CNTNAP4: variants seen among roughly 807,000 people sequenced by gnomAD.
The protein encoded by CNTNAP4 is contactin associated protein family member 4.
In CNTNAP4, 98 loss-of-function variants were observed where a neutral mutation model predicts 148.4. That is an observed-to-expected ratio of 0.66 (90% confidence interval 0.56 to 0.78). The LOEUF (loss-of-function observed/expected upper bound fraction) is 0.78. Among genes scored for constraint, CNTNAP4 ranks in the 30% least tolerant of loss-of-function variants. The probability of loss-of-function intolerance (pLI) is 0.00; values close to 1 mark genes in which losing one functional copy is unlikely to be tolerated. For synonymous variants in CNTNAP4, 730 were observed against 565.1 expected (o/e 1.29, Z -4.14); for missense variants, 1,935 against 1,565.6 (o/e 1.24, Z -3.98).
At chr16:76,550,008 A>T (rs1161280022) in intron 21 of CNTNAP4, among the ~76,000 whole-genome samples, 2 of 152,324 alleles carry the variant, frequency 1.3e-5, no homozygotes, top group Admixed American at 6.5e-5. Flanking sequence ...ACTTAGGGAC[A>T]ATCTGATGAA....
chr16:76,327,471 T>C (rs1963106647), intron 2 of CNTNAP4, among the ~76,000 whole-genome samples: 1 of 152,188 alleles, frequency 6.6e-6, no homozygotes, highest in South Asian at 2.1e-4. Flanking sequence ...GTACCTGGGT[T>C]GATACCATGT....
intron 2 of CNTNAP4, among the ~76,000 whole-genome samples, chr16:76,349,257 G>A (rs532587354): frequency 6.6e-6 from 1 of 152,160 alleles, no homozygotes; most frequent in South Asian, 2.1e-4. Context: ...TAGCAGAAAA[G>A]AGTCTGTTCT....
intron 1 of CNTNAP4, among the ~76,000 whole-genome samples, chr16:76,302,021 A>G (rs1255510749): frequency 6.6e-6 from 1 of 152,024 alleles, no homozygotes; most frequent in Non-Finnish European, 1.5e-5. Context: ...AGTGGTCTCT[A>G]CTGGTTTGAA....
intron 11 of CNTNAP4, among the ~76,000 whole-genome samples, chr16:76,477,789 A>G (rs1431524842): frequency 6.6e-6 from 1 of 152,208 alleles, no homozygotes; most frequent in Non-Finnish European, 1.5e-5. Flanking sequence ...AACTAACTCA[A>G]AACAGAAAGC....
chr16:76,482,609 A>T (rs4243122), intron 12 of CNTNAP4, among the ~76,000 whole-genome samples: 149,829 of 152,286 alleles, frequency 0.98, 73,748 homozygotes, highest in East Asian at 1. Context: ...GCTATAAATT[A>T]GTATCTTCAA....
intron 21 of CNTNAP4, among the ~76,000 whole-genome samples, chr16:76,545,335 A>C (rs2084664264): frequency 6.6e-6 from 1 of 152,232 alleles, no homozygotes; most frequent in Non-Finnish European, 1.5e-5. Context: ...TAATCATAAT[A>C]CATGAAAGTA....
At chr16:76,551,273 C>T (rs138182996) in intron 21 of CNTNAP4, among the ~76,000 whole-genome samples, 4 of 151,936 alleles carry the variant, frequency 2.6e-5, no homozygotes, top group Non-Finnish European at 4.4e-5. Context: ...TTTAGCCAGG[C>T]GTCAATCCCA....
Position 76,495,079 on chromosome 16 carries a change from T to C in CNTNAP4, c.2237+13T>C, listed in dbSNP as rs4268783. 0.68 allele frequency: 1,099,618 copies of C among 1,610,600 alleles called. 378,308 individuals carry two copies. The highest frequency in any genetic ancestry group is 0.77 in the Middle Eastern group (4,576 of 5,916). The stretch of plus-strand genomic sequence containing the variant: ...ACCGGAATGAATGGTGATTTCCATA[T>C]GATTTCTTTATGCAAGAAAAAGTTC... On this transcript the variant is annotated intron_variant, in intron 14 of 23. Coordinates refer to ENST00000611870, the MANE Select transcript of CNTNAP4 (RefSeq NM_033401.5).
intron 2 of CNTNAP4, among the ~76,000 whole-genome samples, chr16:76,334,504 A>G (rs1207869292): frequency 1.3e-5 from 2 of 152,202 alleles, no homozygotes; most frequent in Non-Finnish European, 2.9e-5. Flanking sequence ...CAAGACTTTT[A>G]ATTATCCTTC....
At chr16:76,468,335 A>G (rs1340786099) in intron 10 of CNTNAP4, among the ~76,000 whole-genome samples, 1 of 151,936 alleles carries the variant, frequency 6.6e-6, no homozygotes, top group African/African-American at 2.4e-5. Context: ...TTAGCTGGGC[A>G]TGGTGGCGGA....
intron 2 of CNTNAP4, among the ~76,000 whole-genome samples, chr16:76,334,762 G>C (rs759396990): frequency 6.6e-6 from 1 of 151,922 alleles, no homozygotes; most frequent in African/African-American, 2.4e-5. Flanking sequence ...GGCTTTGGAC[G>C]TGCAGGAAAC....
chr16:76,309,696 A>G (rs1422297894), intron 1 of CNTNAP4, among the ~76,000 whole-genome samples: 2 of 152,152 alleles, frequency 1.3e-5, no homozygotes, highest in African/African-American at 4.8e-5. Context: ...TATCTCCCAG[A>G]ATTCCCACGT....
At chr16:76,461,465 G>C (rs971405767) in intron 8 of CNTNAP4, among the ~76,000 whole-genome samples, 8 of 152,028 alleles carry the variant, frequency 5.3e-5, no homozygotes, top group African/African-American at 1.9e-4. Context: ...TTTTCACGGT[G>C]CTTTATATTT....
intron 4 of CNTNAP4, among the ~76,000 whole-genome samples, chr16:76,429,908 A>G (rs923853989): frequency 6.6e-6 from 1 of 152,226 alleles, no homozygotes; most frequent in African/African-American, 2.4e-5. Flanking sequence ...AAACACATAT[A>G]GTGAAATAGT....
intron 4 of CNTNAP4, among the ~76,000 whole-genome samples, chr16:76,428,419 G>GT (rs146173411): frequency 1.3e-3 from 186 of 147,840 alleles, no homozygotes; most frequent in Middle Eastern, 3.5e-3. Flanking sequence ...TCACGACATC[G>GT]TTTTTTTTTT....
chr16:76,521,095 GT>G, intron 15 of CNTNAP4, 44 bp from the exon 16 acceptor site: 1 of 1,495,386 alleles, frequency 6.7e-7, no homozygotes, highest in African/African-American at 1.5e-5. Flanking sequence ...TCATGAATTT[GT>G]TTTCTTTCTG....
At chr16:76,318,708 TATTA>T (rs35480779) in intron 2 of CNTNAP4, among the ~76,000 whole-genome samples, 41,391 of 148,834 alleles carry the variant, frequency 0.28, 6,378 homozygotes, top group Non-Finnish European at 0.35. Flanking sequence ...ATGATTTATT[TATTA>T]GAGAGAATAA....
chr16:76,370,842 T>A (rs190728816), intron 3 of CNTNAP4, among the ~76,000 whole-genome samples: 87 of 152,298 alleles, frequency 5.7e-4, no homozygotes, highest in African/African-American at 2.0e-3. Flanking sequence ...GATCAATATT[T>A]TGATACTGAG....
chr16:76,296,613 T>A (rs1003367414), intron 1 of CNTNAP4, among the ~76,000 whole-genome samples: 13 of 151,988 alleles, frequency 8.6e-5, no homozygotes, highest in African/African-American at 2.9e-4. Context: ...GATATAGAGA[T>A]GCTGATCTCA....
Sources: allele counts gnomAD v4.1 joint callset (sites outside exome capture counted in the v4.1 genomes callset), GRCh38; gene constraint gnomAD v4.1.1; transcripts MANE v1.5; gene names NCBI Gene and HGNC (gene_info 2026-07-23, HGNC 2026-07-21).